The following LSM12 variants were observed in gnomAD, a reference collection of about 807,000 sequenced individuals.
LSM12 encodes LSM12 homolog.
For missense variants in LSM12, 108 were observed against 238.9 expected, an observed-to-expected ratio of 0.45 and a Z score of 3.61; for synonymous variants, 74 against 87.3, an observed-to-expected ratio of 0.85 and a Z score of 0.85.
chr17:44,066,426 C>A, intron 1 of LSM12, 38 bp downstream of exon 1: 1 of 1,539,182 alleles, frequency 6.5e-7, no homozygotes. Flanking sequence ...CGCACCTACA[C>A]GCCGGCCCGG....
chr17:44,064,008 A>G lies in LSM12; in HGVS notation c.125-74T>C. 18 of 1,534,146 alleles carry G rather than the reference A, an allele frequency of 1.2e-5. No homozygotes were observed. The South Asian group carries it at 2.0e-4, about 17-fold the overall frequency. On this transcript the variant is annotated intron_variant, in intron 1 of 4. Coordinates refer to ENST00000293406, the MANE Select transcript of LSM12 (RefSeq NM_001371445.1). ...TGACACATCCCAAAAGGGGCATAGA[A>G]AACACGATTCACACAAGGCTTGTAA...
chr17:44,048,473 C>T (rs1162158624), intron 2 of LSM12, among the ~76,000 whole-genome samples: 2 of 142,724 alleles, frequency 1.4e-5, no homozygotes, highest in African/African-American at 5.3e-5. Flanking sequence ...CAGAGAGAGA[C>T]TCCATCTCAA....
intron 2 of LSM12, among the ~76,000 whole-genome samples, chr17:44,055,309 C>A (rs912384630): frequency 2.6e-5 from 4 of 151,884 alleles, no homozygotes; most frequent in African/African-American, 9.7e-5. Flanking sequence ...TAAACATAGG[C>A]TGGCCAGGCC....
At chr17:44,055,715 T>C (rs1270730986) in intron 2 of LSM12, among the ~76,000 whole-genome samples, 1 of 144,758 alleles carries the variant, frequency 6.9e-6, no homozygotes, top group East Asian at 2.0e-4. Context: ...ATATATAAAA[T>C]ATATATAAAA....
rs2049621247 is a variant in LSM12, at chr17:44,049,975, G to A, written c.259-9719C>T. On this transcript the variant is annotated intron_variant, in intron 2 of 4. Transcript: ENST00000293406. ...GCTGCTGCCCGGAACTGCTTATGAC[G>A]CCTGCAAGCCTGGTGGGTGTCAAGG... 2.0e-5 allele frequency among the ~76,000 whole-genome samples: 3 copies of A among 152,302 alleles called. No individual in the cohort carries two copies. In the South Asian group the frequency reaches 6.2e-4, roughly 32 times the overall value.
At chr17:44,050,748 T>C (rs1036673377) in intron 2 of LSM12, among the ~76,000 whole-genome samples, 1 of 151,902 alleles carries the variant, frequency 6.6e-6, no homozygotes, top group South Asian at 2.1e-4. Context: ...CTCGAACCCC[T>C]GACCGCAAGT....
At chr17:44,052,934 T>A (rs2144096921) in intron 2 of LSM12, among the ~76,000 whole-genome samples, 1 of 152,270 alleles carries the variant, frequency 6.6e-6, no homozygotes, top group South Asian at 2.1e-4. Context: ...ACATGCTGTC[T>A]GAAAAATAAA....
chr17:44,050,327 C>G (rs1390981213), intron 2 of LSM12, among the ~76,000 whole-genome samples: 1 of 142,100 alleles, frequency 7.0e-6, no homozygotes, highest in African/African-American at 2.6e-5. Flanking sequence ...CCAGGCTGGT[C>G]TCGAACTCCT....
At chr17:44,067,004 C>G (rs2049889226), upstream of LSM12, among the ~76,000 whole-genome samples, 1 of 152,112 alleles carries the variant, frequency 6.6e-6, no homozygotes, top group African/African-American at 2.4e-5. Flanking sequence ...GATACTTGGA[C>G]AAGATGATTA....
chr17:44,042,266 G>A (rs1318202068), intron 2 of LSM12, among the ~76,000 whole-genome samples: 4 of 151,562 alleles, frequency 2.6e-5, no homozygotes, highest in African/African-American at 9.7e-5. Context: ...CAGCCTGGGC[G>A]ACAGAGCAAG....
At chr17:44,037,053 G>C (rs1263647849) in intron 4 of LSM12, 3 of 159,062 alleles carry the variant, frequency 1.9e-5, no homozygotes, top group East Asian at 1.8e-4. Context: ...GCAGTGAGCT[G>C]AGATCGCGCC....
At chr17:44,054,679 T>C (rs1394145562) in intron 2 of LSM12, among the ~76,000 whole-genome samples, 3 of 152,092 alleles carry the variant, frequency 2.0e-5, no homozygotes, top group South Asian at 2.1e-4. Context: ...CTACTTGACA[T>C]GCCCCTGCCA....
At chr17:44,041,324 C>CACAA (rs2049489601) in intron 2 of LSM12, among the ~76,000 whole-genome samples, 1 of 145,352 alleles carries the variant, frequency 6.9e-6, no homozygotes, top group African/African-American at 2.7e-5. Context: ...CACACACACA[C>CACAA]ACACACACAA....
chr17:44,066,773 T>C, upstream of LSM12: 1 of 707,070 alleles, frequency 1.4e-6, no homozygotes, highest in Non-Finnish European at 1.9e-6. Flanking sequence ...AAGGGGAATC[T>C]GAAAAGTATT....
chr17:44,058,415 C>T (rs1193148163), intron 2 of LSM12, among the ~76,000 whole-genome samples: 1 of 151,916 alleles, frequency 6.6e-6, no homozygotes, highest in Non-Finnish European at 1.5e-5. Context: ...AGAAACGTTA[C>T]CTAGGGGCTG....
intron 1 of LSM12, among the ~76,000 whole-genome samples, chr17:44,065,550 A>T (rs1415240564): frequency 1.3e-5 from 2 of 152,130 alleles, no homozygotes; most frequent in African/African-American, 4.8e-5. Context: ...CATTTATCCC[A>T]ACAAGGAAGT....
At chr17:44,044,573 G>T (rs944098802) in intron 2 of LSM12, among the ~76,000 whole-genome samples, 2 of 152,174 alleles carry the variant, frequency 1.3e-5, no homozygotes, top group Non-Finnish European at 2.9e-5. Flanking sequence ...TAGGGATCCG[G>T]ACTCAGCTAC....
At chr17:44,066,087 A>C in intron 1 of LSM12, among the ~76,000 whole-genome samples, 2 of 150,068 alleles carry the variant, frequency 1.3e-5, no homozygotes, top group Admixed American at 6.6e-5. Context: ...TCCCCATAAT[A>C]TTTCACCCGC....
chr17:44,054,997 C>T (rs1345380791), intron 2 of LSM12, among the ~76,000 whole-genome samples: 5 of 151,940 alleles, frequency 3.3e-5, no homozygotes, highest in African/African-American at 4.8e-5. Flanking sequence ...TGCCACCACG[C>T]CCGGCTAATT....
Sources: gnomAD v4.1 joint callset for allele counts (sites outside exome capture counted in the v4.1 genomes callset) on GRCh38, gnomAD v4.1.1 for gene constraint, MANE v1.5 for transcripts, NCBI Gene and HGNC (gene_info 2026-07-23, HGNC 2026-07-21) for gene names.